Variants in SPATA31F1 observed in about 807,000 individuals in gnomAD.
The protein encoded by SPATA31F1 is protein SPATA31F1.
chr9:34,723,801 C>G, the SPATA31F1 span: 8 of 1,551,608 alleles, frequency 5.2e-6, no homozygotes, highest in Non-Finnish European at 7.0e-6. Flanking sequence ...TCAAGGATGA[C>G]AGTTAGCTTG....
At chr9:34,724,576 C>T in the SPATA31F1 span, 2 of 1,541,278 alleles carry the variant, frequency 1.3e-6, no homozygotes, top group African/African-American at 1.4e-5. Context: ...TTAGTTTGGT[C>T]AAGATATGTG....
At chr9:34,723,801 C>T in the SPATA31F1 span, 4 of 1,551,726 alleles carry the variant, frequency 2.6e-6, no homozygotes, top group Non-Finnish European at 3.5e-6. Flanking sequence ...TCAAGGATGA[C>T]AGTTAGCTTG....
the SPATA31F1 span, chr9:34,729,211 T>G: frequency 1.4e-6 from 2 of 1,478,098 alleles, no homozygotes; most frequent in East Asian, 5.0e-5. Context: ...GTGGGGATTA[T>G]AAGGGAGCAC....
chr9:34,726,832 G>A, the SPATA31F1 span: 5 of 1,551,672 alleles, frequency 3.2e-6, no homozygotes, highest in Non-Finnish European at 3.5e-6. Context: ...CTAGGCAAGA[G>A]GAGCCCTGCA....
the SPATA31F1 span, chr9:34,723,058 G>A: frequency 1.3e-6 from 1 of 760,578 alleles, no homozygotes; most frequent in South Asian, 2.0e-5. Context: ...ATGTATTGCT[G>A]AGAAATATAG....
At chr9:34,727,696 A>T in the SPATA31F1 span, among the ~76,000 whole-genome samples, 4 of 152,212 alleles carry the variant, frequency 2.6e-5, no homozygotes, top group Non-Finnish European at 5.9e-5. Flanking sequence ...TGACTTCTTT[A>T]TTCAAAACCC....
At chr9:34,723,721 G>T in the SPATA31F1 span, 1 of 1,551,692 alleles carries the variant, frequency 6.4e-7, no homozygotes, top group South Asian at 1.2e-5. Context: ...GAGTTGGTTG[G>T]CTCAGGAAAG....
the SPATA31F1 span, chr9:34,725,068 C>T: frequency 1.3e-6 from 2 of 1,551,870 alleles, no homozygotes; most frequent in Non-Finnish European, 1.7e-6. Flanking sequence ...TTGCTGTCTG[C>T]AGTTCCAGGA....
chr9:34,726,418 C>T, the SPATA31F1 span: 2 of 1,549,576 alleles, frequency 1.3e-6, no homozygotes, highest in East Asian at 4.9e-5. Context: ...TATGCAAGGC[C>T]ATTGGATGCA....
chr9:34,726,845 G>T, the SPATA31F1 span: 1 of 1,551,800 alleles, frequency 6.4e-7, no homozygotes, highest in East Asian at 2.4e-5. Context: ...GCCCTGCAAT[G>T]GCCCCGATAA....
At chr9:34,727,003 A>T in the SPATA31F1 span, 1 of 1,541,650 alleles carries the variant, frequency 6.5e-7, no homozygotes, top group Non-Finnish European at 8.8e-7. Flanking sequence ...GAAGGGAAAC[A>T]CGGCAAAATT....
chr9:34,729,052 A>G, the SPATA31F1 span, among the ~76,000 whole-genome samples: 1 of 152,230 alleles, frequency 6.6e-6, no homozygotes, highest in Non-Finnish European at 1.5e-5. Flanking sequence ...TAGACTTCAT[A>G]TTATCTAGTT....
the SPATA31F1 span, among the ~76,000 whole-genome samples, chr9:34,727,224 T>C: frequency 6.6e-6 from 1 of 152,238 alleles, no homozygotes; most frequent in Non-Finnish European, 1.5e-5. Flanking sequence ...TGGGAGGGCA[T>C]GGCCCTCAGA....
chr9:34,728,016 G>C, the SPATA31F1 span: 1 of 1,551,918 alleles, frequency 6.4e-7, no homozygotes, highest in Non-Finnish European at 8.7e-7. Context: ...AAGAGCAATA[G>C]ATCACCTTTT....
chr9:34,728,265 G>C, the SPATA31F1 span, among the ~76,000 whole-genome samples: 1 of 152,182 alleles, frequency 6.6e-6, no homozygotes, highest in Non-Finnish European at 1.5e-5. Flanking sequence ...AATTTCATTT[G>C]ATTTTTACAA....
At chr9:34,724,301 T>A in the SPATA31F1 span, 391 of 1,551,434 alleles carry the variant, frequency 2.5e-4, 2 homozygotes, top group African/African-American at 4.5e-3. Context: ...AGCTTTGGAA[T>A]TGGATTGCTT....
the SPATA31F1 span, chr9:34,726,851 G>A: frequency 1.2e-5 from 18 of 1,551,820 alleles, no homozygotes; most frequent in Admixed American, 9.8e-5. Context: ...CAATGGCCCC[G>A]ATAAAGTCAG....
At chr9:34,723,682 C>T in the SPATA31F1 span, 5 of 1,551,510 alleles carry the variant, frequency 3.2e-6, no homozygotes, top group African/African-American at 1.4e-5. Context: ...CTTGGCCTTG[C>T]AAAGTTTGGC....
chr9:34,726,666 C>A, the SPATA31F1 span: 1 of 1,551,712 alleles, frequency 6.4e-7, no homozygotes, highest in Non-Finnish European at 8.7e-7. Context: ...TGTATGCCAT[C>A]TGCATACGTT....
Sources: allele counts gnomAD v4.1 joint callset (sites outside exome capture counted in the v4.1 genomes callset), GRCh38; gene constraint gnomAD v4.1.1; transcripts MANE v1.5; gene names NCBI Gene and HGNC (gene_info 2026-07-23, HGNC 2026-07-21).